BRAP: variants seen among roughly 807,000 people sequenced by gnomAD.
The protein encoded by BRAP is BRCA1 associated protein, also known as BRCA1-associated protein.
A neutral mutation model predicts 73.4 loss-of-function variants in BRAP; 42 were observed. The ratio of observed to expected loss-of-function variants is 0.57; its 90% CI spans 0.45 to 0.74. The LOEUF is 0.74. Ranked by LOEUF, BRAP falls within the 30% of genes least tolerant of loss-of-function variation. The probability of loss-of-function intolerance (pLI) is 0.00; values close to 1 mark genes in which losing one functional copy is unlikely to be tolerated. For missense variants in BRAP, 593 were observed against 751.4 expected, an observed-to-expected ratio of 0.79 and a Z score of 2.46; for synonymous variants, 255 against 267.4, an observed-to-expected ratio of 0.95 and a Z score of 0.45.
At chr12:111,650,152 C>A (rs929667486) in intron 10 of BRAP, 110 bp from the exon 11 acceptor site, 7 of 591,734 alleles carry the variant, frequency 1.2e-5, no homozygotes, top group South Asian at 4.2e-5. Flanking sequence ...CTTTGACAAA[C>A]CAAAATTAGA....
intron 6 of BRAP, among the ~76,000 whole-genome samples, chr12:111,661,875 C>A (rs531247078): frequency 6.6e-6 from 1 of 151,964 alleles, no homozygotes; most frequent in Admixed American, 6.6e-5. Flanking sequence ...CCATGCCCAG[C>A]TAATTTTTGT....
At chr12:111,659,898 A>AAAAACAAAAACAAAAC (rs1886680545) in intron 7 of BRAP, among the ~76,000 whole-genome samples, 1 of 152,018 alleles carries the variant, frequency 6.6e-6, no homozygotes, top group Non-Finnish European at 1.5e-5. Flanking sequence ...ATTTTTTAGA[A>AAAAACAAAAACAAAAC]AAAACAAAAA....
chr12:111,662,266 A>T (rs1463771398), intron 6 of BRAP, among the ~76,000 whole-genome samples: 1 of 152,180 alleles, frequency 6.6e-6, no homozygotes, highest in Non-Finnish European at 1.5e-5. Context: ...AGATATAACT[A>T]GTGGCTAGGC....
chr12:111,685,512 CG>C (rs914077034), intron 1 of BRAP, 198 bp downstream of exon 1: 1 of 1,256,792 alleles, frequency 8.0e-7, no homozygotes, highest in African/African-American at 1.6e-5. Flanking sequence ...GAGGGAGGTT[CG>C]GGGCAGGGCT....
intron 10 of BRAP, among the ~76,000 whole-genome samples, chr12:111,650,567 A>C (rs190187515): frequency 6.6e-5 from 10 of 152,100 alleles, no homozygotes; most frequent in Admixed American, 3.9e-4. Flanking sequence ...TGCCCGGCCT[A>C]ATTTTTCTAT....
At chr12:111,657,654 C>A (rs762253916) in intron 9 of BRAP, among the ~76,000 whole-genome samples, 3 of 151,950 alleles carry the variant, frequency 2.0e-5, no homozygotes, top group Admixed American at 1.3e-4. Flanking sequence ...CTGAGGCAGG[C>A]GGACCACGAG....
At chr12:111,683,376 C>A in intron 1 of BRAP, 69 bp from the exon 2 acceptor site, 1 of 1,494,432 alleles carries the variant, frequency 6.7e-7, no homozygotes, top group South Asian at 1.3e-5. Flanking sequence ...ATTCCTCTAT[C>A]ATTAGGTTTT....
chr12:111,668,748 C>A (rs1423879945), intron 5 of BRAP, among the ~76,000 whole-genome samples: 1 of 152,072 alleles, frequency 6.6e-6, no homozygotes, highest in East Asian at 1.9e-4. Context: ...GCTCCGCCTC[C>A]CGGGTTCACG....
Position 111,679,144 on chromosome 12 carries a change from CTT to C in BRAP, c.633+5_633+6del. ...AAGAGATTTTTAATAAATTTAATAA[CTT>C]TTACCTGTGCACGAAACTTTATCAG... On this transcript the variant is annotated splice_donor_5th_base_variant and intron_variant, in intron 4 of 11. Transcript: ENST00000419234. 1 of 1,509,394 alleles carries C rather than the reference CTT, an allele frequency of 6.6e-7. No individual in the cohort carries two copies. Among genetic ancestry groups the C allele is most frequent in the Non-Finnish European group, 8.9e-7 (1 of 1,119,410 alleles). The allele number at this position is 1,509,394 out of a possible 1,614,324, so 93.5% of individuals were successfully genotyped here.
Position 111,683,297 on chromosome 12 carries a change from C to T in BRAP, c.93G>A (p.Met31Ile), listed in dbSNP as rs1268845644. The change falls in exon 2 of 12, where the codon ATG becomes ATA. Residue 31 changes from methionine to isoleucine, a missense_variant. Transcript: ENST00000419234. Reference protein sequence around the residue: ...GFGFSAAAGEMSDEEIKKTTL... With the variant: ...GFGFSAAAGEISDEEIKKTTL... Reference sequence around the variant, plus strand: ...TCGTCTTTTTTATCTCCTCATCAGACATTTCCCCGGCTAAAGAACACATGA... The same window carrying T: ...TCGTCTTTTTTATCTCCTCATCAGATATTTCCCCGGCTAAAGAACACATGA... 1 of 1,609,758 alleles carries T rather than the reference C, an allele frequency of 6.2e-7. No individual in the cohort carries two copies. The highest frequency in any genetic ancestry group is 8.5e-7 in the Non-Finnish European group (1 of 1,178,810).
intron 1 of BRAP, among the ~76,000 whole-genome samples, chr12:111,685,318 A>G (rs966094345): frequency 2.3e-4 from 35 of 152,372 alleles, no homozygotes; most frequent in African/African-American, 7.9e-4. Flanking sequence ...GTTAGGGGGC[A>G]CTTCAATGGA....
chr12:111,668,258 A>G (rs111697971), intron 5 of BRAP, among the ~76,000 whole-genome samples: 5 of 152,190 alleles, frequency 3.3e-5, no homozygotes, highest in Non-Finnish European at 5.9e-5. Context: ...TTTAAATTGG[A>G]TTCACAAGTT....
chr12:111,685,477 A>C, intron 1 of BRAP: 1 of 1,006,104 alleles, frequency 9.9e-7, no homozygotes, highest in Non-Finnish European at 1.3e-6. Context: ...CCAGGTATAA[A>C]CTAAATGCCC....
Position 111,672,846 on chromosome 12 carries a change from G to T in BRAP, c.634-72C>A, listed in dbSNP as rs190486463. 3.7e-5 allele frequency: 44 copies of T among 1,186,848 alleles called. No individual in the cohort carries two copies. The African/African-American group carries it at 4.6e-4, about 12-fold the overall frequency. 73.5% of individuals were successfully genotyped at this position (1,186,848 alleles called of 1,614,324 possible). A position where few individuals can be genotyped will look rare whatever the true frequency, so the allele number is the denominator to read the frequency against. On this transcript the variant is annotated intron_variant, in intron 4 of 11. Transcript: ENST00000419234. The stretch of plus-strand genomic sequence containing the variant: ...TGAAAATCTGCTTTATATTCAATAT[G>T]CATGGCTTTATTCATTCTCATCAGC...
intron 4 of BRAP, among the ~76,000 whole-genome samples, chr12:111,678,633 G>A (rs535355350): frequency 6.6e-6 from 1 of 151,812 alleles, no homozygotes; most frequent in Admixed American, 6.6e-5. Context: ...CTCCAGCCTG[G>A]GCGACAGAGC....
At chr12:111,671,834 C>A (rs1341437599) in intron 5 of BRAP, among the ~76,000 whole-genome samples, 1 of 151,804 alleles carries the variant, frequency 6.6e-6, no homozygotes, top group African/African-American at 2.4e-5. Context: ...CAAAGGTGCT[C>A]AGCATCACAC....
At chr12:111,674,316 C>T (rs1183218846) in intron 4 of BRAP, among the ~76,000 whole-genome samples, 3 of 152,060 alleles carry the variant, frequency 2.0e-5, no homozygotes, top group Non-Finnish European at 4.4e-5. Flanking sequence ...GACGTCAGCT[C>T]ACTGCAACCT....
intron 2 of BRAP, among the ~76,000 whole-genome samples, chr12:111,682,916 A>G (rs1343145404): frequency 6.6e-6 from 1 of 152,142 alleles, no homozygotes; most frequent in Admixed American, 6.5e-5. Context: ...TCAAAAAAAA[A>G]AGTCCCCCCC....
intron 6 of BRAP, among the ~76,000 whole-genome samples, chr12:111,662,171 G>A (rs796910732): frequency 1.2e-4 from 18 of 152,298 alleles, no homozygotes; most frequent in African/African-American, 4.3e-4. Flanking sequence ...CTAGTCATGA[G>A]TATTTTTGTT....
Sources: allele counts gnomAD v4.1 joint callset (sites outside exome capture counted in the v4.1 genomes callset), GRCh38; gene constraint gnomAD v4.1.1; transcripts MANE v1.5; gene names NCBI Gene and HGNC (gene_info 2026-07-23, HGNC 2026-07-21).